The following LSAMP variants were observed in gnomAD, a reference collection of about 807,000 sequenced individuals.
LSAMP encodes the protein limbic system-associated membrane protein.
A neutral mutation model predicts 38.6 loss-of-function variants in LSAMP; 7 were observed. That is an observed-to-expected ratio of 0.18 (90% CI 0.10 to 0.34). The LOEUF is 0.34. Ranked by LOEUF, LSAMP falls within the 10% of genes least tolerant of loss-of-function variation. The pLI is 1.00. For missense variants in LSAMP, 313 were observed against 420.0 expected (o/e 0.75, Z 2.23); for synonymous variants, 154 against 166.8 (o/e 0.92, Z 0.59).
chr3:116,240,488 G>A (rs1431510), intron 1 of LSAMP, among the ~76,000 whole-genome samples: 150,121 of 152,366 alleles, frequency 0.99, 74,006 homozygotes, highest in Middle Eastern at 1. Flanking sequence ...AAACAAAAAC[G>A]TTTGTACTAA....
At chr3:116,222,114 G>T (rs1400691741) in intron 1 of LSAMP, among the ~76,000 whole-genome samples, 1 of 151,964 alleles carries the variant, frequency 6.6e-6, no homozygotes, top group Non-Finnish European at 1.5e-5. Flanking sequence ...CAAGCCTACT[G>T]ATCCGGGTTC....
At chr3:115,954,695 C>G (rs556218638) in intron 3 of LSAMP, among the ~76,000 whole-genome samples, 2 of 152,266 alleles carry the variant, frequency 1.3e-5, no homozygotes, top group East Asian at 3.9e-4. Context: ...AAGGAAAAGG[C>G]GTTCTCTCTC....
At chr3:116,117,104 C>T (rs1349978196) in intron 1 of LSAMP, among the ~76,000 whole-genome samples, 1 of 152,172 alleles carries the variant, frequency 6.6e-6, no homozygotes, top group African/African-American at 2.4e-5. Flanking sequence ...AAGGGATAAT[C>T]AAAACATTCG....
intron 3 of LSAMP, among the ~76,000 whole-genome samples, chr3:115,916,586 A>G (rs11712467): frequency 0.13 from 19,342 of 152,196 alleles, 1,407 homozygotes; most frequent in East Asian, 0.2. Flanking sequence ...TCATTCACTC[A>G]TTTATTCATC....
intron 1 of LSAMP, among the ~76,000 whole-genome samples, chr3:116,235,077 T>G (rs1357089232): frequency 6.6e-6 from 1 of 152,112 alleles, no homozygotes; most frequent in Non-Finnish European, 1.5e-5. Flanking sequence ...CATTATAGTA[T>G]AGAAAATAGA....
intron 3 of LSAMP, among the ~76,000 whole-genome samples, chr3:115,924,163 G>A (rs80137187): frequency 0.012 from 1,849 of 152,072 alleles, 35 homozygotes; most frequent in African/African-American, 0.041. Flanking sequence ...TTCTAATCTG[G>A]ACTTTTTGAC....
intron 2 of LSAMP, among the ~76,000 whole-genome samples, chr3:116,065,723 A>G (rs1707413164): frequency 6.6e-6 from 1 of 152,194 alleles, no homozygotes; most frequent in African/African-American, 2.4e-5. Context: ...AATATGCCCA[A>G]GAGAACTGTT....
chr3:115,873,662 GCTAA>G (rs1165202581), intron 3 of LSAMP, among the ~76,000 whole-genome samples: 1 of 151,986 alleles, frequency 6.6e-6, no homozygotes, highest in Non-Finnish European at 1.5e-5. Context: ...ATACCTTGCC[GCTAA>G]CTTTTACCAA....
intron 6 of LSAMP, among the ~76,000 whole-genome samples, chr3:115,826,255 C>A (rs1934405340): frequency 6.6e-6 from 1 of 152,120 alleles, no homozygotes; most frequent in Non-Finnish European, 1.5e-5. Context: ...GCTGGGACTA[C>A]AGGCACCTGC....
At position 116,319,273 on chromosome 3, in the gene LSAMP, G is replaced by T. The variant is rs148079746; in HGVS notation, c.155+125604C>A. On this transcript the variant is annotated intron_variant, in intron 1 of 6. Transcript: ENST00000490035. The stretch of plus-strand genomic sequence containing the variant: ...AAAAATGAGATTTTCCTGCAATTTG[G>T]GTATACATATTCCCAGTTGAAAGCA... Among the ~76,000 whole-genome samples, 600 of 152,218 alleles carry T rather than the reference G, an allele frequency of 3.9e-3. 6 individuals carry two copies. The highest frequency in any genetic ancestry group is 0.014 in the African/African-American group (573 of 41,538).
intron 1 of LSAMP, among the ~76,000 whole-genome samples, chr3:116,371,414 A>G: frequency 6.6e-6 from 1 of 152,150 alleles, no homozygotes; most frequent in East Asian, 1.9e-4. Context: ...AATGTAATAT[A>G]CACATTAACA....
intron 1 of LSAMP, among the ~76,000 whole-genome samples, chr3:116,246,329 G>C (rs1194031068): frequency 6.8e-6 from 1 of 146,678 alleles, no homozygotes; most frequent in African/African-American, 2.7e-5. Flanking sequence ...GAATACATAG[G>C]AGCATAAATA....
At chr3:115,866,448 T>G (rs11719516) in intron 3 of LSAMP, among the ~76,000 whole-genome samples, 1 of 152,022 alleles carries the variant, frequency 6.6e-6, no homozygotes, top group Non-Finnish European at 1.5e-5. Flanking sequence ...CAAAGTTGAA[T>G]AAGAAAATGT....
chr3:116,068,714 A>G (rs1257363353), intron 2 of LSAMP, among the ~76,000 whole-genome samples: 2 of 152,230 alleles, frequency 1.3e-5, no homozygotes, highest in East Asian at 3.8e-4. Context: ...TCAACATTCT[A>G]TATATGATTG....
chr3:116,011,873 A>G (rs1940336787), intron 3 of LSAMP, among the ~76,000 whole-genome samples: 1 of 152,154 alleles, frequency 6.6e-6, no homozygotes, highest in East Asian at 1.9e-4. Flanking sequence ...TTTGCTTCTG[A>G]CAACCCTGGG....
chr3:116,042,077 T>C (rs1941186808), intron 2 of LSAMP, among the ~76,000 whole-genome samples: 1 of 152,222 alleles, frequency 6.6e-6, no homozygotes, highest in South Asian at 2.1e-4. Flanking sequence ...TTATGGATAA[T>C]GTTAGGTGAT....
rs941524929 is a variant in LSAMP at position 115,810,231 on chromosome 3, C to CTG, written c.*85_*86insCA. The CTG allele has an allele frequency of 2.7e-5, 25 of 927,506 alleles. No homozygotes were observed. Among genetic ancestry groups the CTG allele is most frequent in the African/African-American group, 1.2e-4 (7 of 56,986 alleles). The allele number at this position is 927,506 out of a possible 1,614,324, so 57.5% of individuals were successfully genotyped here. On this transcript the variant is annotated 3_prime_UTR_variant, in exon 7 of 7. Transcript: ENST00000490035. ...TAAACGGTCTCCCCCATCTCTCTCT[C>CTG]TCTCTCTCTCTCTGTCTCTCTCTCT...
At chr3:116,325,404 T>C (rs2047756745) in intron 1 of LSAMP, among the ~76,000 whole-genome samples, 1 of 152,148 alleles carries the variant, frequency 6.6e-6, no homozygotes, top group Admixed American at 6.5e-5. Context: ...TATCCCTGTC[T>C]TAACAGTGTC....
chr3:116,421,511 T>C (rs2049125228), intron 1 of LSAMP, among the ~76,000 whole-genome samples: 1 of 148,312 alleles, frequency 6.7e-6, no homozygotes, highest in Admixed American at 6.8e-5. Context: ...GCCATTGCAC[T>C]CCAGCCTGGG....
Sources: gnomAD v4.1 joint callset for allele counts (sites outside exome capture counted in the v4.1 genomes callset) on GRCh38, gnomAD v4.1.1 for gene constraint, MANE v1.5 for transcripts, NCBI Gene and HGNC (gene_info 2026-07-23, HGNC 2026-07-21) for gene names.